The following FANCC variants were observed in gnomAD, a reference collection of about 807,000 sequenced individuals.
The protein encoded by FANCC is Fanconi anemia group C protein.
FANCC carries 55 observed loss-of-function variants against 71.3 expected under a neutral mutation model. The ratio of observed to expected loss-of-function variants is 0.77; its 90% CI spans 0.62 to 0.97. FANCC has a LOEUF of 0.97. Ranked by LOEUF, FANCC falls within the 50% of genes least tolerant of loss-of-function variation. The probability of loss-of-function intolerance (pLI) is 0.00; values close to 1 mark genes in which losing one functional copy is unlikely to be tolerated. For synonymous variants in FANCC, 275 were observed against 244.9 expected, an observed-to-expected ratio of 1.12 and a Z score of -1.15; for missense variants, 678 against 670.9, an observed-to-expected ratio of 1.01 and a Z score of -0.12.
chr9:95,283,328 T>G (rs1203322408), intron 1 of FANCC, among the ~76,000 whole-genome samples: 1 of 152,212 alleles, frequency 6.6e-6, no homozygotes, highest in African/African-American at 2.4e-5. Flanking sequence ...CAGGTGCCAG[T>G]GACAGGCAAA....
chr9:95,133,310 C>T (rs1827187035), intron 8 of FANCC, among the ~76,000 whole-genome samples: 3 of 152,362 alleles, frequency 2.0e-5, no homozygotes, highest in Admixed American at 2.0e-4. Flanking sequence ...AACCATGAGG[C>T]ACAGAGAGGT....
At chr9:95,294,798 C>T in intron 1 of FANCC, 1 of 1,547,194 alleles carries the variant, frequency 6.5e-7, no homozygotes, top group Middle Eastern at 1.7e-4. Context: ...CACACACAGT[C>T]TCCAACTTCT....
intron 4 of FANCC, among the ~76,000 whole-genome samples, chr9:95,173,988 C>T (rs1825853627): frequency 6.6e-6 from 1 of 152,114 alleles, no homozygotes; most frequent in Non-Finnish European, 1.5e-5. Flanking sequence ...ATGTTATACT[C>T]AGAAATGATC....
chr9:95,271,537 G>C (rs1832716779), intron 1 of FANCC, among the ~76,000 whole-genome samples: 1 of 152,172 alleles, frequency 6.6e-6, no homozygotes, highest in Non-Finnish European at 1.5e-5. Flanking sequence ...TCCCCAGAGG[G>C]AATGTGGCCA....
chr9:95,234,500 A>T (rs1412733196), intron 4 of FANCC, among the ~76,000 whole-genome samples: 1 of 152,244 alleles, frequency 6.6e-6, no homozygotes. Flanking sequence ...TTTATGTAAC[A>T]GTTAATGCTA....
At chr9:95,145,590 C>T (rs1397165134) in intron 7 of FANCC, 1 of 152,088 alleles carries the variant, frequency 6.6e-6, no homozygotes, top group Non-Finnish European at 1.5e-5. Flanking sequence ...CTAATAACAA[C>T]CCTAGTAAAG....
intron 1 of FANCC, among the ~76,000 whole-genome samples, chr9:95,287,041 C>T (rs982757529): frequency 6.6e-6 from 1 of 152,124 alleles, no homozygotes; most frequent in Non-Finnish European, 1.5e-5. Context: ...CTATCACTTA[C>T]ATGGTGCTTA....
intron 4 of FANCC, among the ~76,000 whole-genome samples, chr9:95,183,622 A>C (rs1198292648): frequency 6.6e-6 from 1 of 152,208 alleles, no homozygotes; most frequent in Non-Finnish European, 1.5e-5. Context: ...TTTACTTCAA[A>C]GATATTAACT....
At chr9:95,189,951 G>A (rs897876899) in intron 4 of FANCC, among the ~76,000 whole-genome samples, 1 of 152,184 alleles carries the variant, frequency 6.6e-6, no homozygotes, top group African/African-American at 2.4e-5. Context: ...GGGCTCAGCA[G>A]TGCCTCACAA....
rs529888095 is a variant in FANCC, at chr9:95,274,186, CCT to C, written c.-78-24819_-78-24818del. Among the ~76,000 whole-genome samples, 227 of 152,168 alleles carry C rather than the reference CCT, an allele frequency of 1.5e-3. 8 individuals carry two copies. Among genetic ancestry groups the C allele is most frequent in the Non-Finnish European group, 5.6e-4 (38 of 67,974 alleles). ...ATGTCCCTCCCCAAATCCCTCACCC[CCT>C]GACAGACCCTGGTGTGTGATGTTCC... On this transcript the variant is annotated intron_variant, in intron 1 of 14. Transcript: ENST00000289081.
intron 6 of FANCC, among the ~76,000 whole-genome samples, chr9:95,151,036 C>A (rs558478713): frequency 3.9e-5 from 6 of 152,182 alleles, no homozygotes; most frequent in Non-Finnish European, 7.3e-5. Flanking sequence ...AGGTGGCTGG[C>A]GGCTACAGTA....
Position 95,117,410 on chromosome 9 carries a change from C to T in FANCC, c.997-20G>A. On this transcript the variant is annotated intron_variant, in intron 10 of 14. Transcript: ENST00000289081. Reference sequence around the variant, plus strand: ...CCGCAGCTGCCACAGGATGGAAAATCCAAAGAGCATGAACATTAAGATTGA... The same window carrying T: ...CCGCAGCTGCCACAGGATGGAAAATTCAAAGAGCATGAACATTAAGATTGA... 1 of 1,607,616 alleles carries T rather than the reference C, an allele frequency of 6.2e-7. No individual in the cohort carries two copies.
Position 95,292,346 on chromosome 9 carries a change from C to T in FANCC, c.-79+25180G>A, listed in dbSNP as rs914105557. On this transcript the variant is annotated intron_variant, in intron 1 of 14. Transcript: ENST00000289081. The stretch of plus-strand genomic sequence containing the variant: ...GCCGCCCTGCGGGAGCCATGGCGGC[C>T]TCGGAGGCGGTGGCGGCGGCGGGGT... The T allele has an allele frequency of 1.5e-5, 14 of 919,038 alleles. No individual in the cohort carries two copies. The African/African-American group carries it at 2.5e-4, about 17-fold the overall frequency. The allele number at this position is 919,038 out of a possible 1,614,324, so 56.9% of individuals were successfully genotyped here.
At chr9:95,272,256 T>C (rs1043073088) in intron 1 of FANCC, among the ~76,000 whole-genome samples, 6 of 152,086 alleles carry the variant, frequency 3.9e-5, no homozygotes, top group African/African-American at 1.2e-4. Flanking sequence ...TCTTTTTTAT[T>C]GAGGCAACAA....
Position 95,308,305 on chromosome 9 carries a change from T to C in FANCC, c.-79+9221A>G, listed in dbSNP as rs759379824. 1.6e-4 allele frequency among the ~76,000 whole-genome samples: 25 copies of C among 152,062 alleles called. No individual in the cohort carries two copies. In the Middle Eastern group the frequency reaches 0.014, roughly 83 times the overall value. ...TGTCACCCAGGCTGGAGTGCAGTGG[T>C]GCAATCACAGATCACCGCTTTTTGT... On this transcript the variant is annotated intron_variant, in intron 1 of 14. Transcript: ENST00000289081.
chr9:95,134,688 G>A (rs1038673441), intron 8 of FANCC, among the ~76,000 whole-genome samples: 2 of 152,236 alleles, frequency 1.3e-5, no homozygotes, highest in African/African-American at 4.8e-5. Flanking sequence ...ATCCCACAGA[G>A]CTGCCTCCCA....
At chr9:95,273,565 T>A (rs1231361530) in intron 1 of FANCC, among the ~76,000 whole-genome samples, 4 of 152,208 alleles carry the variant, frequency 2.6e-5, no homozygotes, top group East Asian at 1.9e-4. Context: ...TTCAAGCACA[T>A]CTCTCTGTAC....
In FANCC at chr9:95,230,184, C is replaced by T. The variant is rs1033943741; in HGVS notation, c.345+10465G>A. Among the ~76,000 whole-genome samples, 106 of 152,222 alleles carry T rather than the reference C, an allele frequency of 7.0e-4. 1 individual carries two copies. Among genetic ancestry groups the T allele is most frequent in the African/African-American group, 2.5e-3 (103 of 41,532 alleles). ...TGAAGACTTAGCCCTGTGCCGTCCC[C>T]AGCAGTTCCAGCCTAGTGAAAGAGG... On this transcript the variant is annotated intron_variant, in intron 4 of 14. Coordinates refer to ENST00000289081, the MANE Select transcript of FANCC (RefSeq NM_000136.3).
At chr9:95,299,459 C>T (rs1285564016) in intron 1 of FANCC, among the ~76,000 whole-genome samples, 1 of 152,220 alleles carries the variant, frequency 6.6e-6, no homozygotes, top group African/African-American at 2.4e-5. Context: ...CCACATCTAA[C>T]CGCCTTCTTG....
Sources: allele counts gnomAD v4.1 joint callset (sites outside exome capture counted in the v4.1 genomes callset), GRCh38; gene constraint gnomAD v4.1.1; transcripts MANE v1.5; gene names NCBI Gene and HGNC (gene_info 2026-07-23, HGNC 2026-07-21).